The following PDP1 variants were observed in gnomAD, a reference collection of about 807,000 sequenced individuals.
PDP1 encodes pyruvate dehydrogenase phosphatase catalytic subunit 1.
In PDP1, 14 loss-of-function variants were observed where a neutral mutation model predicts 37.1. The ratio of observed to expected loss-of-function variants is 0.38; its 90% CI spans 0.25 to 0.59. The LOEUF is 0.59. Ranked by LOEUF, PDP1 falls within the 20% of genes least tolerant of loss-of-function variation. The probability of loss-of-function intolerance (pLI) is 0.67; values close to 1 mark genes in which losing one functional copy is unlikely to be tolerated. For synonymous variants in PDP1, 251 were observed against 243.3 expected, an observed-to-expected ratio of 1.03 and a Z score of -0.29; for missense variants, 544 against 655.3, an observed-to-expected ratio of 0.83 and a Z score of 1.85.
In PDP1 at chr8:93,923,777, C is replaced by T; in HGVS notation, c.*104C>T. The T allele has an allele frequency of 1.0e-6, 1 of 1,002,186 alleles. No homozygotes were observed. The highest frequency in any genetic ancestry group is 1.6e-6 in the Non-Finnish European group (1 of 632,320). 62.1% of individuals were successfully genotyped at this position (1,002,186 alleles called of 1,614,324 possible). On this transcript the variant is annotated 3_prime_UTR_variant, in exon 2 of 2. Transcript: ENST00000297598. This position sits in a 1 kb window ranked among gnomAD's most constrained non-coding sequence, Gnocchi z 4.3. ...AACATTTCCAGTTGGTCATTCTAAG[C>T]ATTTACCCTTTTGATACTCTAGCTA... is the stretch of plus-strand genomic sequence containing the variant.
chr8:93,918,162 T>G (rs1256341061), intron 1 of PDP1, among the ~76,000 whole-genome samples: 1 of 152,192 alleles, frequency 6.6e-6, no homozygotes. Flanking sequence ...TACTGGCGTG[T>G]GGTGCTTCGT....
At position 93,925,503 on chromosome 8, in the gene PDP1, C is replaced by G. The variant is rs571368323; in HGVS notation, c.*1830C>G. ...ATTTGAATATTCTTGAACACCACCA[C>G]TGAAGAGTTTCATATACACCAAATA... On this transcript the variant is annotated 3_prime_UTR_variant, in exon 2 of 2. Transcript: ENST00000297598. 2.4e-5 allele frequency: 4 copies of G among 166,932 alleles called. No homozygotes were observed. The South Asian group carries it at 8.3e-4, about 35-fold the overall frequency. 10.3% of individuals were successfully genotyped at this position (166,932 alleles called of 1,614,324 possible).
At chr8:93,919,500 C>CG (rs1402992699) in intron 1 of PDP1, among the ~76,000 whole-genome samples, 3 of 134,044 alleles carry the variant, frequency 2.2e-5, no homozygotes, top group Non-Finnish European at 4.8e-5. Flanking sequence ...CCTCCCTCCC[C>CG]CCCCCCGGCA....
intron 1 of PDP1, among the ~76,000 whole-genome samples, chr8:93,918,609 G>C (rs1810162111): frequency 6.6e-6 from 1 of 152,194 alleles, no homozygotes; most frequent in African/African-American, 2.4e-5. Flanking sequence ...TCATGGAATA[G>C]GAAATTTTCC....
intron 1 of PDP1, among the ~76,000 whole-genome samples, chr8:93,918,188 T>C (rs957303437): frequency 6.6e-6 from 1 of 152,172 alleles, no homozygotes; most frequent in African/African-American, 2.4e-5. Flanking sequence ...TCTTCATTTA[T>C]GTAAAAAGAT....
In PDP1 at chr8:93,924,947, A is replaced by G. The variant is rs1336794106; in HGVS notation, c.*1274A>G. The G allele has an allele frequency of 1.2e-5, 2 of 167,066 alleles. No individual in the cohort carries two copies. The highest frequency in any genetic ancestry group is 3.8e-4 in the East Asian group (2 of 5,204). The allele number at this position is 167,066 out of a possible 1,614,324, so 10.3% of individuals were successfully genotyped here. On this transcript the variant is annotated 3_prime_UTR_variant, in exon 2 of 2. Transcript: ENST00000297598. ...AATGTAAATGAAATAAATATATTCA[A>G]ATTGGCTTTTTGATATGCATCAAGT...
At position 93,923,774 on chromosome 8, in the gene PDP1, A is replaced by G. The variant is rs1317623288; in HGVS notation, c.*101A>G. On this transcript the variant is annotated 3_prime_UTR_variant, in exon 2 of 2. Transcript: ENST00000297598. The surrounding 1 kb of genome is among the most constrained non-coding windows in gnomAD (Gnocchi z 4.3). The stretch of plus-strand genomic sequence containing the variant: ...ATAAACATTTCCAGTTGGTCATTCT[A>G]AGCATTTACCCTTTTGATACTCTAG... The G allele has an allele frequency of 2.8e-5, 29 of 1,019,832 alleles. 1 individual carries two copies. The Middle Eastern group carries it at 2.1e-3, about 75-fold the overall frequency. 63.2% of individuals were successfully genotyped at this position (1,019,832 alleles called of 1,614,324 possible). A position where few individuals can be genotyped will look rare whatever the true frequency, so the allele number is the denominator to read the frequency against.
At position 93,923,212 on chromosome 8, in the gene PDP1, A is replaced by T. The variant is rs777603105; in HGVS notation, c.1153A>T (p.Ile385Phe). ...QLNDNEYTKF[I>F]PPNYHTPPYL... ...GAATGACAATGAATATACCAAGTTT[A>T]TTCCTCCTAATTATCACACACCTCC... Residue 385 changes from isoleucine to phenylalanine, a missense_variant, in exon 2 of 2, where the codon ATT (isoleucine) becomes TTT (phenylalanine). By Grantham distance (21) the Ile-to-Phe change is conservative. Coordinates refer to ENST00000297598, the MANE Select transcript of PDP1 (RefSeq NM_018444.4). This position sits in a 1 kb window ranked among gnomAD's most constrained non-coding sequence, Gnocchi z 4.3. 7.4e-6 allele frequency: 12 copies of T among 1,614,026 alleles called. 1 individual carries two copies. Among genetic ancestry groups the T allele is most frequent in the Non-Finnish European group, 1.0e-5 (12 of 1,179,990 alleles).
At chr8:93,919,909 T>C (rs772310110) in intron 1 of PDP1, 32 of 152,238 alleles carry the variant, frequency 2.1e-4, no homozygotes, top group Non-Finnish European at 4.4e-4. Context: ...GGCTCAGTCA[T>C]GTACACTTAA....
intron 1 of PDP1, chr8:93,919,010 A>C: frequency 9.8e-6 from 2 of 204,278 alleles, no homozygotes; most frequent in Non-Finnish European, 1.7e-5. Context: ...TTAGGATATA[A>C]TCTCAGTCCA....
In PDP1 at chr8:93,925,478, A is replaced by G. The variant is rs531302765; in HGVS notation, c.*1805A>G. 1 of 167,032 alleles carries G rather than the reference A, an allele frequency of 6.0e-6. No individual in the cohort carries two copies. Among genetic ancestry groups the G allele is most frequent in the East Asian group, 1.9e-4 (1 of 5,190 alleles). 10.3% of individuals were successfully genotyped at this position (167,032 alleles called of 1,614,324 possible). A position where few individuals can be genotyped will look rare whatever the true frequency, so the allele number is the denominator to read the frequency against. On this transcript the variant is annotated 3_prime_UTR_variant, in exon 2 of 2. Coordinates refer to ENST00000297598, the MANE Select transcript of PDP1 (RefSeq NM_018444.4). ...CTAGCAAACCCTATTTTCAGCTACT[A>G]TTTGAATATTCTTGAACACCACCAC... is the stretch of plus-strand genomic sequence containing the variant.
chr8:93,919,717 G>A (rs1810205745), intron 1 of PDP1, among the ~76,000 whole-genome samples: 1 of 149,340 alleles, frequency 6.7e-6, no homozygotes, highest in South Asian at 2.2e-4. Context: ...AAGAGCAAAT[G>A]CAGTCATAAA....
In PDP1 at chr8:93,923,579, C is replaced by G. The variant is rs145358369; in HGVS notation, c.1520C>G (p.Pro507Arg). ...CGCCTCTCTAAAATGCTTAGTCTTC[C>G]TGAAGAGCTTGCTCGAATGTACAGA... ...HERLSKMLSL[P>R]EELARMYRDD... Residue 507 changes from proline to arginine, a missense_variant, in exon 2 of 2, where the codon CCT becomes CGT. Pro to Arg is a moderately radical substitution (Grantham distance 103). Transcript: ENST00000297598. The surrounding 1 kb of genome is among the most constrained non-coding windows in gnomAD (Gnocchi z 4.3). 24 of 1,613,868 alleles carry G rather than the reference C, an allele frequency of 1.5e-5. No homozygotes were observed. Among genetic ancestry groups the G allele is most frequent in the Non-Finnish European group, 2.5e-6 (3 of 1,179,874 alleles).
rs1356190161 is a variant in PDP1, at chr8:93,924,373, TAAAG to T, written c.*708_*711del. 3 of 167,006 alleles carry T rather than the reference TAAAG, an allele frequency of 1.8e-5. No homozygotes were observed. Among genetic ancestry groups the T allele is most frequent in the East Asian group, 1.9e-4 (1 of 5,206 alleles). The allele number at this position is 167,006 out of a possible 1,614,324, so 10.3% of individuals were successfully genotyped here. On this transcript the variant is annotated 3_prime_UTR_variant, in exon 2 of 2. Coordinates refer to ENST00000297598, the MANE Select transcript of PDP1 (RefSeq NM_018444.4). ...GTTTTATCTACTCTTCTATTGAAGTTAAAGAAAGAAAAAAAGATTTTTTTATTTG... is the reference window on the plus strand; with the variant it reads ...GTTTTATCTACTCTTCTATTGAAGTTAAAGAAAAAAAGATTTTTTTATTTG...
In PDP1 at chr8:93,922,994, A is replaced by C. The variant is rs1034056443; in HGVS notation, c.935A>C (p.Asn312Thr). 2.5e-6 allele frequency: 4 copies of C among 1,614,074 alleles called. No homozygotes were observed. The African/African-American group carries it at 4.0e-5, about 16-fold the overall frequency. The change falls in exon 2 of 2, where the codon AAT (asparagine) becomes ACT (threonine). Residue 312 changes from asparagine (N) to threonine (T), a missense_variant. Around this residue, in one of 5 missense-constraint regions of PDP1, gnomAD observed 342 missense variants for 414.0 expected, o/e 0.83. Coordinates refer to ENST00000297598, the MANE Select transcript of PDP1 (RefSeq NM_018444.4). The surrounding 1 kb of genome is among the most constrained non-coding windows in gnomAD (Gnocchi z 4.0). ...TCATGGTCAGCAGTCACGCTGTCTA[A>C]TGACCACAATGCTCAAAATGAAAGA... Reference protein sequence around the residue: ...DGSWSAVTLSNDHNAQNEREL... With the variant: ...DGSWSAVTLSTDHNAQNEREL...
rs1167456626 is a variant in PDP1 at position 93,925,958 on chromosome 8, A to G, written c.*2285A>G. ...GTATGGTACAGAGTACCATATTGCT[A>G]AGAAAACTGTCTTATAAAAGATGTA... is the stretch of plus-strand genomic sequence containing the variant. On this transcript the variant is annotated 3_prime_UTR_variant, in exon 2 of 2. Transcript: ENST00000297598. 1.8e-5 allele frequency: 3 copies of G among 166,932 alleles called. No homozygotes were observed. Among genetic ancestry groups the G allele is most frequent in the African/African-American group, 4.8e-5 (2 of 41,440 alleles). 10.3% of individuals were successfully genotyped at this position (166,932 alleles called of 1,614,324 possible).
chr8:93,919,413 C>A (rs1044538478), intron 1 of PDP1, among the ~76,000 whole-genome samples: 18 of 151,874 alleles, frequency 1.2e-4, no homozygotes, highest in African/African-American at 4.4e-4. Context: ...ACCAGGGAGG[C>A]GGAGGTTGCG....
intron 1 of PDP1, among the ~76,000 whole-genome samples, chr8:93,918,614 T>A (rs560031609): frequency 6.6e-6 from 1 of 152,278 alleles, no homozygotes; most frequent in Admixed American, 6.5e-5. Context: ...GAATAGGAAA[T>A]TTTCCGTGAA....
Position 93,917,042 on chromosome 8 carries a change from C to T in PDP1, c.-82C>T, listed in dbSNP as rs1563513451. 1 of 477,670 alleles carries T rather than the reference C, an allele frequency of 2.1e-6. No homozygotes were observed. The highest frequency in any genetic ancestry group is 2.1e-5 in the African/African-American group (1 of 48,246). The allele number at this position is 477,670 out of a possible 1,614,324, so 29.6% of individuals were successfully genotyped here. Reference sequence around the variant, plus strand: ...GCGGTGGCGTCGTTGTCGCCCCCTCCTCGTCGGGAAGAATCGTTTGGTCTC... The same window carrying T: ...GCGGTGGCGTCGTTGTCGCCCCCTCTTCGTCGGGAAGAATCGTTTGGTCTC... On this transcript the variant is annotated 5_prime_UTR_variant, in exon 1 of 2. Coordinates refer to ENST00000297598, the MANE Select transcript of PDP1 (RefSeq NM_018444.4).
Sources: gnomAD v4.1 joint callset for allele counts (sites outside exome capture counted in the v4.1 genomes callset) on GRCh38, gnomAD v4.1.1 for gene constraint, gnomAD v4.1.1 regional missense constraint, Gnocchi (gnomAD v3.1) non-coding constraint, MANE v1.5 for transcripts, NCBI Gene and HGNC (gene_info 2026-07-23, HGNC 2026-07-21) for gene names.